The following AFDN variants were observed in gnomAD, a reference collection of about 807,000 sequenced individuals.
The protein encoded by AFDN is afadin, adherens junction formation factor, also known as afadin.
Under a neutral mutation model 216.6 loss-of-function variants are expected in AFDN, and 68 were observed. The observed-to-expected ratio is 0.31, with a 90% CI of 0.26 to 0.38. The LOEUF (loss-of-function observed/expected upper bound fraction) is 0.38. Ranked by LOEUF, AFDN falls within the 10% of genes least tolerant of loss-of-function variation. AFDN has a pLI of 1.00. For synonymous variants in AFDN, 868 were observed against 853.7 expected, an observed-to-expected ratio of 1.02 and a Z score of -0.29; for missense variants, 2,136 against 2,342.0, an observed-to-expected ratio of 0.91 and a Z score of 1.82.
At position 167,942,816 on chromosome 6, in the gene AFDN, T is replaced by C. The variant is rs142220913; in HGVS notation, c.3100-313T>C. The stretch of plus-strand genomic sequence containing the variant: ...TGAAATGTAAAAATACTGTACTAGG[T>C]TGCTTTTTGTATTAAAATGATTGAT... On this transcript the variant is annotated intron_variant, in intron 23 of 33. Transcript: ENST00000683244. 1.2e-3 allele frequency among the ~76,000 whole-genome samples: 176 copies of C among 152,316 alleles called. 3 individuals are homozygous for C. The highest frequency in any genetic ancestry group is 4.1e-3 in the African/African-American group (172 of 41,558).
intron 5 of AFDN, 127 bp from the exon 6 acceptor site, chr6:167,880,233 C>A (rs1202502820): frequency 5.1e-6 from 4 of 786,810 alleles, no homozygotes; most frequent in South Asian, 1.8e-5. Context: ...AGTTATTAGG[C>A]AGATTGTCTT....
chr6:167,964,452 A>C, intron 31 of AFDN: 1 of 1,065,560 alleles, frequency 9.4e-7, no homozygotes, highest in African/African-American at 1.6e-5. Context: ...GGGAACACTT[A>C]CTTTGTGTAG....
chr6:167,951,774 C>G lies in AFDN; in HGVS notation c.4420C>G (p.Pro1474Ala). ...LTAQQMKPEK[P>A]STLQRPQETV... Reference sequence around the variant, plus strand: ...TGCACAGCAGATGAAGCCCGAAAAGCCTTCCACACTCCAGCGGCCACAGGA... The same window carrying G: ...TGCACAGCAGATGAAGCCCGAAAAGGCTTCCACACTCCAGCGGCCACAGGA... The change falls in exon 30 of 34, where the codon CCT becomes GCT. Residue 1474 changes from proline (P) to alanine (A), a missense_variant. This residue lies in a region of AFDN where 981 missense variants were observed against 966.0 expected (regional missense o/e 1.02). Transcript: ENST00000683244. This position sits in a 1 kb window ranked among gnomAD's most constrained non-coding sequence, Gnocchi z 7.1. 12 of 1,614,176 alleles carry G rather than the reference C, an allele frequency of 7.4e-6. No homozygotes were observed. The highest frequency in any genetic ancestry group is 9.3e-6 in the Non-Finnish European group (11 of 1,180,042).
chr6:167,949,719 C>T (rs1288598360), intron 29 of AFDN, among the ~76,000 whole-genome samples: 2 of 152,214 alleles, frequency 1.3e-5, no homozygotes, highest in African/African-American at 4.8e-5. Flanking sequence ...GGAGAATCTG[C>T]TTCCCATATG....
Position 167,962,411 on chromosome 6 carries a change from AT to A in AFDN, c.4834-20del. The A allele has an allele frequency of 6.2e-7, 1 of 1,612,352 alleles. No individual in the cohort carries two copies. The highest frequency in any genetic ancestry group is 8.5e-7 in the Non-Finnish European group (1 of 1,179,558). ...GTGCTGGTGGAGTTTGTGGAGGGAG[AT>A]TAATGTCAGCCTGTTGTTAGTTGCA... On this transcript the variant is annotated intron_variant, in intron 30 of 33. Transcript: ENST00000683244. The surrounding 1 kb of genome is among the most constrained non-coding windows in gnomAD (Gnocchi z 5.2).
chr6:167,868,679 A>G (rs892067073), intron 2 of AFDN, among the ~76,000 whole-genome samples: 2 of 150,440 alleles, frequency 1.3e-5, no homozygotes, highest in African/African-American at 4.9e-5. Flanking sequence ...CTCTTTAGTT[A>G]TTAATTGGTC....
At chr6:167,952,458 C>G in intron 30 of AFDN, 1 of 985,332 alleles carries the variant, frequency 1.0e-6, no homozygotes, top group Non-Finnish European at 1.2e-6. Context: ...CATAATTATC[C>G]TTTTCCTTAA....
intron 32 of AFDN, chr6:167,968,857 G>A: frequency 2.3e-6 from 1 of 428,270 alleles, no homozygotes; most frequent in East Asian, 4.3e-5. Context: ...TGGGCCAGTG[G>A]GCAGTATTCC....
At chr6:167,964,849 C>T (rs1797379487) in intron 31 of AFDN, 1 of 1,065,490 alleles carries the variant, frequency 9.4e-7, no homozygotes, top group African/African-American at 1.6e-5. Flanking sequence ...CTCTTTCATC[C>T]CCCTTCTTAT....
rs187655375 is a variant in AFDN at position 167,837,637 on chromosome 6, C to T, written c.105+10400C>T. 5.3e-5 allele frequency among the ~76,000 whole-genome samples: 8 copies of T among 152,204 alleles called. No homozygotes were observed. In the South Asian group the frequency reaches 8.3e-4, roughly 16 times the overall value. On this transcript the variant is annotated intron_variant, in intron 1 of 33. Coordinates refer to ENST00000683244, the MANE Select transcript of AFDN (RefSeq NM_001386888.1). ...ATGCTTTGTGTATGTTATCTTTTTA[C>T]GTTCTCCTGTGAGGTATGTCCTTTT...
intron 23 of AFDN, among the ~76,000 whole-genome samples, chr6:167,925,790 A>C (rs1181677224): frequency 6.6e-6 from 1 of 152,180 alleles, no homozygotes; most frequent in Non-Finnish European, 1.5e-5. Context: ...CCAATATGGA[A>C]TCTCAATTAT....
chr6:167,916,004 C>CA (rs1791011140), intron 19 of AFDN, among the ~76,000 whole-genome samples: 1 of 152,178 alleles, frequency 6.6e-6, no homozygotes, highest in African/African-American at 2.4e-5. Flanking sequence ...GAACCTGTGT[C>CA]AAAAACTGAG....
At chr6:167,876,254 A>AT (rs1314286615) in intron 5 of AFDN, among the ~76,000 whole-genome samples, 8 of 152,214 alleles carry the variant, frequency 5.3e-5, no homozygotes, top group Non-Finnish European at 1.0e-4. Context: ...CTGAGTCGTA[A>AT]TTAACATATT....
At chr6:167,839,816 A>G (rs918808625) in intron 1 of AFDN, among the ~76,000 whole-genome samples, 2 of 152,176 alleles carry the variant, frequency 1.3e-5, no homozygotes, top group African/African-American at 2.4e-5. Flanking sequence ...GTAGTATGGT[A>G]AATACTCTAT....
At chr6:167,864,311 C>T (rs763263012) in intron 1 of AFDN, 1 of 712,376 alleles carries the variant, frequency 1.4e-6, no homozygotes, top group East Asian at 2.7e-5. Flanking sequence ...ATAACATCAT[C>T]TATTTGACAG....
chr6:167,943,171 G>A lies in AFDN; in HGVS notation c.3142G>A (p.Val1048Met), dbSNP rs749898797. The A allele has an allele frequency of 4.3e-6, 7 of 1,613,944 alleles. No homozygotes were observed. The highest frequency in any genetic ancestry group is 5.9e-6 in the Non-Finnish European group (7 of 1,179,906). The change falls in exon 24 of 34, where the codon GTG (valine) becomes ATG (methionine). Residue 1048 changes from valine to methionine, a missense_variant. By Grantham distance (21) the Val-to-Met change is conservative (BLOSUM62 1). Around this residue, in one of 8 missense-constraint regions of AFDN, gnomAD observed 74 missense variants for 98.8 expected, o/e 0.75. Transcript: ENST00000683244. Reference sequence around the variant, plus strand: ...ACTAGGAATCTATGTGAAGTCGGTTGTGAAAGGAGGTGCTGCAGATGTGGT... The same window carrying A: ...ACTAGGAATCTATGTGAAGTCGGTTATGAAAGGAGGTGCTGCAGATGTGGT... ...DKLGIYVKSV[V>M]KGGAADVDGR...
intron 22 of AFDN, among the ~76,000 whole-genome samples, chr6:167,924,078 A>C (rs1432883949): frequency 6.6e-6 from 1 of 151,896 alleles, no homozygotes; most frequent in African/African-American, 2.4e-5. Flanking sequence ...ATTCCTCAGG[A>C]GATTTCAGGT....
At chr6:167,950,203 G>C (rs183219260) in intron 29 of AFDN, among the ~76,000 whole-genome samples, 131 of 152,244 alleles carry the variant, frequency 8.6e-4, no homozygotes, top group African/African-American at 3.1e-3. Flanking sequence ...TTGTTGGTTT[G>C]CTTTTTAAGG....
chr6:167,947,974 T>C lies in AFDN; in HGVS notation c.3645+30T>C, dbSNP rs760568221. The C allele has an allele frequency of 2.0e-6, 3 of 1,518,826 alleles. No individual in the cohort carries two copies. The Admixed American group carries it at 5.0e-5, about 26-fold the overall frequency. 94.1% of individuals were successfully genotyped at this position (1,518,826 alleles called of 1,614,324 possible). A position where few individuals can be genotyped will look rare whatever the true frequency, so the allele number is the denominator to read the frequency against. On this transcript the variant is annotated intron_variant, in intron 28 of 33. Transcript: ENST00000683244. The stretch of plus-strand genomic sequence containing the variant: ...GATTGATTGATAAGCAAAAGGCTTC[T>C]ACTGCATTTCCATCCTTAGGGTTCC...
Sources: allele counts gnomAD v4.1 joint callset (sites outside exome capture counted in the v4.1 genomes callset), GRCh38; gene constraint gnomAD v4.1.1; regional missense constraint gnomAD v4.1.1; non-coding constraint Gnocchi (gnomAD v3.1); transcripts MANE v1.5; gene names NCBI Gene and HGNC (gene_info 2026-07-23, HGNC 2026-07-21).